NRG3: variants seen among roughly 807,000 people sequenced by gnomAD.
NRG3 encodes the protein neuregulin 3, also known as pro-neuregulin-3, membrane-bound isoform.
Under a neutral mutation model 66.9 loss-of-function variants are expected in NRG3, and 31 were observed. The observed-to-expected ratio is 0.46, with a 90% CI of 0.35 to 0.63. The LOEUF is 0.63. NRG3 is among the 20% of genes least tolerant of loss of function. The pLI, the probability that NRG3 is intolerant of heterozygous loss-of-function variation, is 0.00. For synonymous variants in NRG3, 393 were observed against 359.4 expected (o/e 1.09, Z -1.06); for missense variants, 910 against 878.9 (o/e 1.04, Z -0.45).
chr10:81,932,683 A>G (rs1847487918), intron 1 of NRG3, among the ~76,000 whole-genome samples: 1 of 152,200 alleles, frequency 6.6e-6, no homozygotes, highest in African/African-American at 2.4e-5. Context: ...AGGATTAGTC[A>G]TTGCTGAAAA....
intron 3 of NRG3, among the ~76,000 whole-genome samples, chr10:82,857,044 T>C (rs1243108243): frequency 6.6e-6 from 1 of 152,186 alleles, no homozygotes; most frequent in Non-Finnish European, 1.5e-5. Flanking sequence ...AGTCTAATGC[T>C]CCAAGATGTT....
chr10:82,366,922 T>C (rs1162153419), intron 2 of NRG3, among the ~76,000 whole-genome samples: 1 of 152,172 alleles, frequency 6.6e-6, no homozygotes, highest in African/African-American at 2.4e-5. Context: ...TACGAAAGCC[T>C]ACAGAAAATA....
intron 2 of NRG3, among the ~76,000 whole-genome samples, chr10:82,643,309 A>G: frequency 6.6e-6 from 1 of 152,108 alleles, no homozygotes; most frequent in East Asian, 1.9e-4. Flanking sequence ...TGGTTTTAAA[A>G]AGGAGAGTTT....
At chr10:82,184,177 G>T (rs1181685104) in intron 1 of NRG3, among the ~76,000 whole-genome samples, 1 of 152,092 alleles carries the variant, frequency 6.6e-6, no homozygotes, top group African/African-American at 2.4e-5. Flanking sequence ...ATAATGCTAA[G>T]ATATTATTTA....
At chr10:81,980,176 TCTTTGTA>T (rs1356792691) in intron 1 of NRG3, among the ~76,000 whole-genome samples, 1 of 152,198 alleles carries the variant, frequency 6.6e-6, no homozygotes, top group African/African-American at 2.4e-5. Flanking sequence ...AATTCAAGCT[TCTTTGTA>T]CTTTGTAGGA....
Position 82,041,855 on chromosome 10 carries a change from T to C in NRG3, c.823+165692T>C, listed in dbSNP as rs1419911341. 2.6e-5 allele frequency among the ~76,000 whole-genome samples: 4 copies of C among 151,984 alleles called. 1 individual carries two copies. Among genetic ancestry groups the C allele is most frequent in the African/African-American group, 9.7e-5 (4 of 41,412 alleles). On this transcript the variant is annotated intron_variant, in intron 1 of 8. Transcript: ENST00000372141. Reference sequence around the variant, plus strand: ...GTCTATTTCATTAAATGGCATTGCATTGCAATCTTCCCAACAACCAAAGTC... The same window carrying C: ...GTCTATTTCATTAAATGGCATTGCACTGCAATCTTCCCAACAACCAAAGTC...
At chr10:81,902,970 G>A (rs1386272172) in intron 1 of NRG3, among the ~76,000 whole-genome samples, 1 of 152,060 alleles carries the variant, frequency 6.6e-6, no homozygotes, top group African/African-American at 2.4e-5. Context: ...AGTACAGTTT[G>A]ATGGGACAGG....
chr10:82,065,153 T>C (rs2064378991), intron 1 of NRG3, among the ~76,000 whole-genome samples: 1 of 152,168 alleles, frequency 6.6e-6, no homozygotes, highest in South Asian at 2.1e-4. Context: ...TTCAAAGGCT[T>C]TTTGACTTCC....
chr10:82,651,036 A>G (rs2133888933), intron 2 of NRG3, among the ~76,000 whole-genome samples: 1 of 152,342 alleles, frequency 6.6e-6, no homozygotes, highest in East Asian at 1.9e-4. Flanking sequence ...ATGGAAGCAT[A>G]TAATTGGGCT....
chr10:82,810,737 TAA>T (rs750726119), intron 3 of NRG3, among the ~76,000 whole-genome samples: 23 of 69,978 alleles, frequency 3.3e-4, no homozygotes, highest in Non-Finnish European at 3.0e-4. Flanking sequence ...CACTCCAGCC[TAA>T]AAAAAAAAAA....
At chr10:82,333,902 G>C (rs1194349189) in intron 1 of NRG3, among the ~76,000 whole-genome samples, 1 of 152,098 alleles carries the variant, frequency 6.6e-6, no homozygotes, top group Non-Finnish European at 1.5e-5. Flanking sequence ...GAGAAAAAGG[G>C]ATGGGAGCCG....
chr10:82,132,513 T>TG (rs368739718), intron 1 of NRG3, among the ~76,000 whole-genome samples: 4 of 11,020 alleles, frequency 3.6e-4, no homozygotes, highest in Admixed American at 9.5e-4. Context: ...ATCATATATA[T>TG]ATGATATATA....
intron 3 of NRG3, among the ~76,000 whole-genome samples, chr10:82,782,569 C>A (rs1394479363): frequency 6.6e-6 from 1 of 151,956 alleles, no homozygotes; most frequent in Non-Finnish European, 1.5e-5. Context: ...ATAACAAATA[C>A]CTGAAAATGT....
intron 1 of NRG3, among the ~76,000 whole-genome samples, chr10:82,171,454 G>T (rs1403427956): frequency 6.6e-6 from 1 of 152,056 alleles, no homozygotes; most frequent in Non-Finnish European, 1.5e-5. Flanking sequence ...GATAGATGCT[G>T]TATAGAATGA....
At chr10:82,611,483 T>C (rs1475316041) in intron 2 of NRG3, among the ~76,000 whole-genome samples, 1 of 152,128 alleles carries the variant, frequency 6.6e-6, no homozygotes, top group Non-Finnish European at 1.5e-5. Flanking sequence ...GTGTTCTCAT[T>C]GTTCAGTTCC....
intron 2 of NRG3, among the ~76,000 whole-genome samples, chr10:82,359,666 G>T (rs1282479585): frequency 1.3e-5 from 2 of 152,054 alleles, no homozygotes; most frequent in Non-Finnish European, 2.9e-5. Flanking sequence ...CTGGTAATTT[G>T]TTTTTCTTTG....
intron 1 of NRG3, among the ~76,000 whole-genome samples, chr10:82,261,343 G>GT (rs2134205593): frequency 6.6e-6 from 1 of 152,246 alleles, no homozygotes; most frequent in East Asian, 1.9e-4. Context: ...TGCCATGATT[G>GT]TAAGTTTCCT....
intron 1 of NRG3, among the ~76,000 whole-genome samples, chr10:82,197,378 G>T (rs1473161689): frequency 2.0e-5 from 3 of 151,978 alleles, no homozygotes; most frequent in Non-Finnish European, 4.4e-5. Context: ...AAGGCTCCAG[G>T]GTGCTTTCTG....
At chr10:81,977,385 C>T (rs7097750) in intron 1 of NRG3, among the ~76,000 whole-genome samples, 69,493 of 151,936 alleles carry the variant, frequency 0.46, 20,110 homozygotes, top group African/African-American at 0.78. Context: ...AAAATATTCA[C>T]CAAATCAGTG....
Sources: allele counts gnomAD v4.1 joint callset (sites outside exome capture counted in the v4.1 genomes callset), GRCh38; gene constraint gnomAD v4.1.1; transcripts MANE v1.5; gene names NCBI Gene and HGNC (gene_info 2026-07-23, HGNC 2026-07-21).